SUSD1: variants seen among roughly 807,000 people sequenced by gnomAD.
SUSD1 encodes sushi domain-containing protein 1.
In SUSD1, 65 loss-of-function variants were observed where a neutral mutation model predicts 86.9. The observed-to-expected ratio is 0.75, with a 90% CI of 0.61 to 0.92. The LOEUF (loss-of-function observed/expected upper bound fraction) is 0.92. Ranked by LOEUF, SUSD1 falls within the 40% of genes least tolerant of loss-of-function variation. The pLI, the probability that SUSD1 is intolerant of heterozygous loss-of-function variation, is 0.00. For synonymous variants in SUSD1, 346 were observed against 350.0 expected (o/e 0.99, Z 0.13); for missense variants, 850 against 929.7 (o/e 0.91, Z 1.11).
intron 8 of SUSD1, among the ~76,000 whole-genome samples, chr9:112,107,948 C>T (rs1830921923): frequency 1.3e-5 from 2 of 152,270 alleles, no homozygotes; most frequent in Admixed American, 1.3e-4. Flanking sequence ...TACAGGCAAA[C>T]ACTCTACCTT....
At position 112,098,625 on chromosome 9, in the gene SUSD1, A is replaced by C. The variant is rs774060059; in HGVS notation, c.1319T>G (p.Phe440Cys). ...VLGQRWYLAN[F>C]SHATSFNFTT... ...GAAGTTAAACGATGTTGCATGAGAA[A>C]AGTTAGCCAGATACCACCTCTGACC... Residue 440 changes from phenylalanine (F) to cysteine (C), a missense_variant, in exon 10 of 17, where the codon TTT becomes TGT. Transcript: ENST00000374270. 6.2e-7 allele frequency: 1 copy of C among 1,614,202 alleles called. No homozygotes were observed. The highest frequency in any genetic ancestry group is 1.1e-5 in the South Asian group (1 of 91,088).
At chr9:112,126,482 A>G (rs1187531442) in intron 5 of SUSD1, among the ~76,000 whole-genome samples, 2 of 152,228 alleles carry the variant, frequency 1.3e-5, no homozygotes, top group Non-Finnish European at 2.9e-5. Flanking sequence ...CACCCAATTG[A>G]TAAGAAATCA....
intron 10 of SUSD1, among the ~76,000 whole-genome samples, chr9:112,090,495 T>A (rs536940143): frequency 3.3e-5 from 5 of 152,042 alleles, no homozygotes; most frequent in African/African-American, 1.2e-4. Flanking sequence ...TGAAGGAAAC[T>A]TTACAAATTA....
At chr9:112,050,228 T>G (rs1471811768) in intron 15 of SUSD1, among the ~76,000 whole-genome samples, 1 of 152,184 alleles carries the variant, frequency 6.6e-6, no homozygotes, top group Non-Finnish European at 1.5e-5. Context: ...TAAAGGGACT[T>G]GGCCCATCTG....
chr9:112,120,852 G>A (rs1435171863), intron 6 of SUSD1, among the ~76,000 whole-genome samples: 2 of 152,222 alleles, frequency 1.3e-5, no homozygotes, highest in Non-Finnish European at 2.9e-5. Context: ...GAATGTTGGA[G>A]GCAGAGCAGC....
chr9:112,041,449 G>A lies in SUSD1; in HGVS notation c.*43C>T, dbSNP rs774822672. ...CACCTGAGAAGCTGCCAGAACACCT[G>A]CCCAGCAGCAGTGCATCCTCCCCAC... is the stretch of plus-strand genomic sequence containing the variant. On this transcript the variant is annotated 3_prime_UTR_variant, in exon 17 of 17. Transcript: ENST00000374270. The A allele has an allele frequency of 5.1e-6, 4 of 780,944 alleles. No individual in the cohort carries two copies. Among genetic ancestry groups the A allele is most frequent in the Non-Finnish European group, 9.6e-6 (4 of 418,106 alleles). The allele number at this position is 780,944 out of a possible 1,614,324, so 48.4% of individuals were successfully genotyped here.
At chr9:112,089,585 C>G (rs1384219563) in intron 10 of SUSD1, among the ~76,000 whole-genome samples, 1 of 151,954 alleles carries the variant, frequency 6.6e-6, no homozygotes, top group Non-Finnish European at 1.5e-5. Context: ...TTTGGGAGGC[C>G]AAGGAGGGTG....
intron 10 of SUSD1, among the ~76,000 whole-genome samples, chr9:112,095,924 A>G (rs1270279532): frequency 6.6e-6 from 1 of 152,240 alleles, no homozygotes; most frequent in African/African-American, 2.4e-5. Flanking sequence ...GGGAGCAACG[A>G]AAATGGAAAG....
Position 112,124,255 on chromosome 9 carries a change from A to G in SUSD1, c.886+2T>C, listed in dbSNP as rs1193218135. 1 of 1,611,952 alleles carries G rather than the reference A, an allele frequency of 6.2e-7. No individual in the cohort carries two copies. ...AGCAGGAGCCCAGAACAGAATCTGT[A>G]CCTGTGCATGTTAAAGTACTTTCTC... On this transcript the variant is annotated splice_donor_variant, in intron 6 of 16. Coordinates refer to ENST00000374270, the MANE Select transcript of SUSD1 (RefSeq NM_022486.5). LOFTEE classifies it high-confidence loss of function.
intron 8 of SUSD1, chr9:112,104,766 C>A (rs1292758343): frequency 2.0e-5 from 3 of 152,096 alleles, no homozygotes; most frequent in Non-Finnish European, 4.4e-5. Flanking sequence ...GGAAGGCCAT[C>A]CATTTTATTA....
At chr9:112,079,091 C>T (rs1021795161) in intron 11 of SUSD1, among the ~76,000 whole-genome samples, 7 of 151,978 alleles carry the variant, frequency 4.6e-5, no homozygotes, top group Non-Finnish European at 8.8e-5. Context: ...AGATCACAGG[C>T]GTGAGCCACC....
chr9:112,053,088 C>T (rs758356368), intron 14 of SUSD1, among the ~76,000 whole-genome samples: 2 of 152,100 alleles, frequency 1.3e-5, no homozygotes, highest in Non-Finnish European at 2.9e-5. Context: ...GAAAATATTC[C>T]CCAGAGGAAG....
chr9:112,117,199 C>G (rs904042184), intron 6 of SUSD1, among the ~76,000 whole-genome samples: 1 of 152,292 alleles, frequency 6.6e-6, no homozygotes, highest in East Asian at 1.9e-4. Flanking sequence ...ACCAGTCTCC[C>G]ACAGCCTCCT....
Position 112,161,471 on chromosome 9 carries a change from G to T in SUSD1, c.104-3858C>A, listed in dbSNP as rs899639703. Among the ~76,000 whole-genome samples the T allele has an allele frequency of 4.0e-5, 6 of 151,802 alleles. No homozygotes were observed. In the East Asian group the frequency reaches 1.2e-3, roughly 30 times the overall value. ...CTGGGTCAAGTTGAAGAACCCATTT[G>T]TGATCAACCCTACAATGATGAACAT... On this transcript the variant is annotated intron_variant, in intron 1 of 16. Coordinates refer to ENST00000374270, the MANE Select transcript of SUSD1 (RefSeq NM_022486.5).
At chr9:112,106,031 G>A (rs975387157) in intron 8 of SUSD1, among the ~76,000 whole-genome samples, 6 of 151,948 alleles carry the variant, frequency 3.9e-5, no homozygotes, top group African/African-American at 1.5e-4. Flanking sequence ...GCTCTGTTGC[G>A]CAGGCTGGAG....
At chr9:112,170,706 T>TAGAG (rs765076866) in intron 1 of SUSD1, among the ~76,000 whole-genome samples, 58 of 88,366 alleles carry the variant, frequency 6.6e-4, no homozygotes, top group South Asian at 2.2e-3. Flanking sequence ...TATATATATA[T>TAGAG]ATATAGAGAG....
At chr9:112,048,345 C>A (rs1828043734) in intron 15 of SUSD1, among the ~76,000 whole-genome samples, 1 of 152,094 alleles carries the variant, frequency 6.6e-6, no homozygotes, top group Non-Finnish European at 1.5e-5. Flanking sequence ...CTTCCCATCA[C>A]AACTATAAAG....
Position 112,150,697 on chromosome 9 carries a change from T to C in SUSD1, c.218-1298A>G, listed in dbSNP as rs184489184. Among the ~76,000 whole-genome samples, 274 of 152,314 alleles carry C rather than the reference T, an allele frequency of 1.8e-3. 4 individuals carry two copies. In the East Asian group the frequency reaches 0.029, roughly 16 times the overall value. On this transcript the variant is annotated intron_variant, in intron 2 of 16. Coordinates refer to ENST00000374270, the MANE Select transcript of SUSD1 (RefSeq NM_022486.5). Reference sequence around the variant, plus strand: ...AGTGCTCCTAGGCTAGAAACCTGTATAGCATGTTACTGTACTGAATACCGT... The same window carrying C: ...AGTGCTCCTAGGCTAGAAACCTGTACAGCATGTTACTGTACTGAATACCGT...
chr9:112,081,098 T>C (rs1186548522), intron 10 of SUSD1, among the ~76,000 whole-genome samples: 1 of 152,210 alleles, frequency 6.6e-6, no homozygotes, highest in Non-Finnish European at 1.5e-5. Flanking sequence ...GACTATTTAT[T>C]CAAAACCCTG....
Sources: gnomAD v4.1 joint callset for allele counts (sites outside exome capture counted in the v4.1 genomes callset) on GRCh38, gnomAD v4.1.1 for gene constraint, MANE v1.5 for transcripts, NCBI Gene and HGNC (gene_info 2026-07-23, HGNC 2026-07-21) for gene names.